ARAP3: variants seen among roughly 807,000 people sequenced by gnomAD.
ARAP3 encodes arf-GAP with Rho-GAP domain, ANK repeat and PH domain-containing protein 3.
In ARAP3, 82 loss-of-function variants were observed where a neutral mutation model predicts 169.2. The ratio of observed to expected loss-of-function variants is 0.48; its 90% confidence interval spans 0.41 to 0.58. The LOEUF is 0.58. Ranked by LOEUF, ARAP3 falls within the 20% of genes least tolerant of loss-of-function variation. ARAP3 has a pLI of 0.00. For synonymous variants in ARAP3, 791 were observed against 800.3 expected, an observed-to-expected ratio of 0.99 and a Z score of 0.20; for missense variants, 1,764 against 2,018.0, an observed-to-expected ratio of 0.87 and a Z score of 2.41.
chr5:141,655,880 G>A lies in ARAP3; in HGVS notation c.3961C>T (p.Leu1321Phe), dbSNP rs2099909211. 5.0e-6 allele frequency: 8 copies of A among 1,613,908 alleles called. No individual in the cohort carries two copies. Among genetic ancestry groups the A allele is most frequent in the African/African-American group, 1.3e-5 (1 of 74,926 alleles). The change falls in exon 30 of 33, where the codon CTT (leucine) becomes TTT (phenylalanine). Residue 1321 changes from leucine to phenylalanine, a missense_variant. By Grantham distance (22) the Leu-to-Phe change is conservative. Coordinates refer to ENST00000239440, the MANE Select transcript of ARAP3 (RefSeq NM_022481.6). ...DEMWDWTTSILKAQHDDQQPV... is the reference protein window; with the variant it reads ...DEMWDWTTSIFKAQHDDQQPV... ...TTCTTTCCCCTCACCTGGGCTTTAA[G>A]GATGCTGGTGGTCCAATCCCACATT...
rs199541143 is a variant in ARAP3 at position 141,672,830 on chromosome 5, G to A, written c.1189C>T (p.Arg397Cys). 2.4e-5 allele frequency: 38 copies of A among 1,613,424 alleles called. No individual in the cohort carries two copies. Among genetic ancestry groups the A allele is most frequent in the African/African-American group, 1.2e-4 (9 of 74,928 alleles). Reference protein sequence around the residue: ...PRPPQPPRPLRTGMLELRGHK... With the variant: ...PRPPQPPRPLCTGMLELRGHK... ...CCACGCAGCTCCAGCATGCCCGTGC[G>A]GAGGGGTCGGGGTGGTTGGGGGGGC... The change falls in exon 8 of 33, where the codon CGC becomes TGC. Residue 397 changes from arginine to cysteine, a missense_variant. Physicochemically the swap from Arg to Cys is radical, Grantham distance 180 (BLOSUM62 -3). Transcript: ENST00000239440. This position sits in a 1 kb window ranked among gnomAD's most constrained non-coding sequence, Gnocchi z 4.9.
At chr5:141,676,586 C>A (rs2099912219) in intron 4 of ARAP3, among the ~76,000 whole-genome samples, 1 of 152,170 alleles carries the variant, frequency 6.6e-6, no homozygotes, top group Non-Finnish European at 1.5e-5. Flanking sequence ...CAGCAGCAGA[C>A]CCCTCAGCAG....
At chr5:141,668,473 T>C (rs2099910982) in intron 16 of ARAP3, among the ~76,000 whole-genome samples, 1 of 152,212 alleles carries the variant, frequency 6.6e-6, no homozygotes, top group Admixed American at 6.5e-5. Flanking sequence ...ATGCTTACTC[T>C]CAAGTTCTGT....
At position 141,682,166 on chromosome 5, in the gene ARAP3, T is replaced by A. The variant is rs1299692091; in HGVS notation, c.-18+7A>T. 3 of 151,330 alleles carry A rather than the reference T, an allele frequency of 2.0e-5. No homozygotes were observed. The highest frequency in any genetic ancestry group is 6.6e-5 in the Admixed American group (1 of 15,224). 9.4% of individuals were successfully genotyped at this position (151,330 alleles called of 1,614,324 possible). On this transcript the variant is annotated splice_region_variant and intron_variant, in intron 1 of 32. Transcript: ENST00000239440. ...AGCAGGGACCCGGGGGGCGCGGGGG[T>A]CCTCACCTCACTACGCGGCCGCCGT...
intron 13 of ARAP3, 152 bp from the exon 14 acceptor site, chr5:141,670,780 A>T (rs1343548640): frequency 9.0e-6 from 6 of 669,866 alleles, no homozygotes; most frequent in Non-Finnish European, 1.3e-5. Flanking sequence ...ATCCCTCACT[A>T]CCCAGATTGC....
intron 4 of ARAP3, among the ~76,000 whole-genome samples, chr5:141,676,698 G>A (rs543151290): frequency 6.6e-6 from 1 of 152,222 alleles, no homozygotes; most frequent in Admixed American, 6.5e-5. Context: ...TTTCTCTTCT[G>A]TCCGTTTTGC....
At chr5:141,673,298 G>A (rs1335917777) in intron 6 of ARAP3, 103 bp downstream of exon 6, 3 of 1,553,108 alleles carry the variant, frequency 1.9e-6, no homozygotes, top group Non-Finnish European at 2.6e-6. Flanking sequence ...TGCAGTCACT[G>A]CCCCGCCCAC....
Position 141,658,483 on chromosome 5 carries a change from G to T in ARAP3, c.3412-4C>A, listed in dbSNP as rs1412828081. ...CAGCAGTCAGGGTTGGGGACACCTG[G>T]GGTCAGGGCAAGAGCAGAGAATTCA... is the stretch of plus-strand genomic sequence containing the variant. On this transcript the variant is annotated splice_region_variant and splice_polypyrimidine_tract_variant and intron_variant, in intron 24 of 32. Coordinates refer to ENST00000239440, the MANE Select transcript of ARAP3 (RefSeq NM_022481.6). 6.2e-7 allele frequency: 1 copy of T among 1,614,108 alleles called. No homozygotes were observed. Among genetic ancestry groups the T allele is most frequent in the South Asian group, 1.1e-5 (1 of 91,078 alleles).
At chr5:141,681,867 C>T (rs540350389) in intron 1 of ARAP3, among the ~76,000 whole-genome samples, 15 of 152,222 alleles carry the variant, frequency 9.9e-5, no homozygotes, top group Admixed American at 4.6e-4. Context: ...AGCCTCGGGC[C>T]CTGACTCAGG....
Position 141,666,476 on chromosome 5 carries a change from T to C in ARAP3, c.2520A>G (p.Pro840=), listed in dbSNP as rs770962519. The C allele has an allele frequency of 1.9e-6, 3 of 1,596,678 alleles. No individual in the cohort carries two copies. The highest frequency in any genetic ancestry group is 1.7e-4 in the Middle Eastern group (1 of 5,914). ...CCATGTCCTCAGGGGCTGGGGGGCCTGGGCCCGGCGCTGAGCACAGGAAGA... is the reference window on the plus strand; with the variant it reads ...CCATGTCCTCAGGGGCTGGGGGGCCCGGGCCCGGCGCTGAGCACAGGAAGA... ...DHLFLCSAPG[P]GPPAPEDMVH... The change falls in exon 17 of 33, where the codon CCA becomes CCG. Residue 840 remains proline (P), a synonymous_variant. Coordinates refer to ENST00000239440, the MANE Select transcript of ARAP3 (RefSeq NM_022481.6).
chr5:141,674,794 C>G (rs2099911927), intron 4 of ARAP3, among the ~76,000 whole-genome samples: 1 of 152,174 alleles, frequency 6.6e-6, no homozygotes, highest in South Asian at 2.1e-4. Flanking sequence ...CTTGACCTCT[C>G]CCTGGACCAA....
chr5:141,673,997 C>G (rs1221691687), intron 4 of ARAP3, among the ~76,000 whole-genome samples, 189 bp from the exon 5 acceptor site: 1 of 113,846 alleles, frequency 8.8e-6, no homozygotes, highest in Non-Finnish European at 1.6e-5. Flanking sequence ...GAGCTTCGCT[C>G]TTGTTGCCCA....
At chr5:141,669,415 G>T (rs961271995) in intron 16 of ARAP3, among the ~76,000 whole-genome samples, 10 of 152,214 alleles carry the variant, frequency 6.6e-5, no homozygotes, top group South Asian at 2.1e-4. Context: ...ACAGAGGCCT[G>T]AATTTTAGTC....
intron 6 of ARAP3, 100 bp from the exon 7 acceptor site, chr5:141,673,233 C>T: frequency 6.3e-7 from 1 of 1,587,634 alleles, no homozygotes; most frequent in Non-Finnish European, 8.6e-7. Flanking sequence ...GCATTAAATC[C>T]ACAAGCAGTG....
chr5:141,658,601 G>A lies in ARAP3; in HGVS notation c.3389C>T (p.Pro1130Leu). Residue 1130 changes from proline to leucine, a missense_variant, in exon 24 of 33, where the codon CCA becomes CTA. Physicochemically the swap from Pro to Leu is moderately conservative, Grantham distance 98. Coordinates refer to ENST00000239440, the MANE Select transcript of ARAP3 (RefSeq NM_022481.6). ...AACCTTCAGGGTGACACAGTTGTCT[G>A]GGAGCTGCTGCTCTATATAAACTTC... Reference protein sequence around the residue: ...IMEVYIEQQLPDNCVTLKVSP... With the variant: ...IMEVYIEQQLLDNCVTLKVSP... The A allele has an allele frequency of 1.9e-6, 3 of 1,612,962 alleles. No homozygotes were observed. Among genetic ancestry groups the A allele is most frequent in the Non-Finnish European group, 2.5e-6 (3 of 1,179,768 alleles).
In ARAP3 at chr5:141,656,602, G is replaced by C. The variant is rs753234343; in HGVS notation, c.3691C>G (p.Arg1231Gly). The C allele has an allele frequency of 1.2e-6, 2 of 1,612,988 alleles. No homozygotes were observed. Among genetic ancestry groups the C allele is most frequent in the Non-Finnish European group, 1.7e-6 (2 of 1,179,526 alleles). The change falls in exon 27 of 33, where the codon CGG becomes GGG. Residue 1231 changes from arginine (R) to glycine (G), a missense_variant. Around this residue, in one of 3 missense-constraint regions of ARAP3, gnomAD observed 1,112 missense variants for 1,285.7 expected, o/e 0.86. Transcript: ENST00000239440. ...AAGCGAGGTGGCTCCTCACGACACCGCAACAGCCCCACCCGTGGGCTCTCA... is the reference window on the plus strand; with the variant it reads ...AAGCGAGGTGGCTCCTCACGACACCCCAACAGCCCCACCCGTGGGCTCTCA... ...RRESPRVGLL[R>G]CREEPPRLLG...
In ARAP3 at chr5:141,679,789, G is replaced by A; in HGVS notation, c.558C>T (p.Thr186=). 1.2e-6 allele frequency: 2 copies of A among 1,613,660 alleles called. No homozygotes were observed. ...APDSSQISAP[T]PALRPTTGTV... is the part of the protein sequence containing the mutation. ...TGCCTGTTGTGGGCCTGAGGGCAGG[G>A]GTGGGGGCAGAGATTTGGGAGCTGT... The change falls in exon 3 of 33, where the codon ACC becomes ACT. Residue 186 remains threonine, a synonymous_variant. Transcript: ENST00000239440.
chr5:141,670,059 G>C lies in ARAP3; in HGVS notation c.2112C>G (p.Pro704=). ...CTCCCAGCACACACCAAAGGCGCGG[G>C]GGAGCTAAGGCAGAGGGAGATAGTC... ...PSPPRRGRDA[P]PRLWCVLGAA... The change falls in exon 15 of 33, where the codon CCC becomes CCG. Residue 704 remains proline (P), a synonymous_variant. Transcript: ENST00000239440. 6.3e-7 allele frequency: 1 copy of C among 1,591,376 alleles called. No individual in the cohort carries two copies. The highest frequency in any genetic ancestry group is 1.1e-5 in the South Asian group (1 of 87,062).
chr5:141,660,454 A>G (rs2099909797), intron 21 of ARAP3, among the ~76,000 whole-genome samples: 1 of 150,622 alleles, frequency 6.6e-6, no homozygotes, highest in African/African-American at 2.4e-5. Context: ...AGATTGCGCC[A>G]CTGCACTCCC....
Sources: gnomAD v4.1 joint callset for allele counts (sites outside exome capture counted in the v4.1 genomes callset) on GRCh38, gnomAD v4.1.1 for gene constraint, gnomAD v4.1.1 regional missense constraint, Gnocchi (gnomAD v3.1) non-coding constraint, MANE v1.5 for transcripts, NCBI Gene and HGNC (gene_info 2026-07-23, HGNC 2026-07-21) for gene names.